Variants in MTFR1 observed in about 807,000 individuals in gnomAD.
MTFR1 encodes the protein mitochondrial fission regulator 1, also known as chondrocyte protein with a poly-proline region.
Under a neutral mutation model 38.8 loss-of-function variants are expected in MTFR1, and 28 were observed. The observed-to-expected ratio is 0.72, with a 90% CI of 0.53 to 0.99. The LOEUF is 0.99. MTFR1 is among the 50% of genes least tolerant of loss of function. The probability of loss-of-function intolerance (pLI) is 0.00; values close to 1 mark genes in which losing one functional copy is unlikely to be tolerated. For missense variants in MTFR1, 358 were observed against 395.5 expected (o/e 0.91, Z 0.81); for synonymous variants, 145 against 137.0 (o/e 1.06, Z -0.41).
intron 3 of MTFR1, chr8:65,723,301 C>T (rs944089640): frequency 7.6e-6 from 2 of 263,644 alleles, no homozygotes; most frequent in Non-Finnish European, 1.4e-5. Flanking sequence ...TTCTTATTTA[C>T]ATAAGAACAG....
chr8:65,657,535 T>A (rs1480081532), intron 1 of MTFR1, among the ~76,000 whole-genome samples: 2 of 151,840 alleles, frequency 1.3e-5, no homozygotes, highest in Non-Finnish European at 2.9e-5. Flanking sequence ...AGACCCCGTC[T>A]CTAAAAAAAA....
intron 3 of MTFR1, among the ~76,000 whole-genome samples, chr8:65,756,054 T>C (rs920262127): frequency 6.6e-6 from 1 of 152,262 alleles, no homozygotes; most frequent in African/African-American, 2.4e-5. Context: ...TGACAGTTTT[T>C]TGTTTTTGTT....
At chr8:65,717,800 C>G (rs960919330) in intron 2 of MTFR1, 23 of 152,176 alleles carry the variant, frequency 1.5e-4, no homozygotes, top group African/African-American at 5.3e-4. Context: ...AAGAAAATGG[C>G]TGTTGCAACA....
At chr8:65,735,911 C>A (rs1053928539) in intron 3 of MTFR1, among the ~76,000 whole-genome samples, 3 of 152,170 alleles carry the variant, frequency 2.0e-5, no homozygotes, top group Admixed American at 6.5e-5. Flanking sequence ...AGGTATGAGC[C>A]ACCATGCCCG....
At chr8:65,675,650 T>C (rs1041077500) in intron 2 of MTFR1, among the ~76,000 whole-genome samples, 1 of 152,194 alleles carries the variant, frequency 6.6e-6, no homozygotes, top group Non-Finnish European at 1.5e-5. Context: ...ACTCATTTAA[T>C]GCTCATAGGC....
intron 1 of MTFR1, among the ~76,000 whole-genome samples, chr8:65,668,054 C>T (rs1294711590): frequency 6.6e-6 from 1 of 152,100 alleles, no homozygotes; most frequent in Non-Finnish European, 1.5e-5. Context: ...CTTCTCACAA[C>T]GTAGACCACA....
intron 3 of MTFR1, among the ~76,000 whole-genome samples, chr8:65,751,013 A>G (rs1022172282): frequency 2.0e-5 from 3 of 152,208 alleles, no homozygotes; most frequent in Non-Finnish European, 4.4e-5. Flanking sequence ...TCACTTAATG[A>G]TATAGGACCA....
intron 1 of MTFR1, among the ~76,000 whole-genome samples, chr8:65,662,735 C>T (rs867920929): frequency 1.5e-5 from 2 of 135,098 alleles, no homozygotes; most frequent in Admixed American, 7.5e-5. Flanking sequence ...GTGAGGAGCC[C>T]CTCCGCCCGG....
At chr8:65,761,212 C>T (rs1221021030) in intron 3 of MTFR1, among the ~76,000 whole-genome samples, 7 of 152,022 alleles carry the variant, frequency 4.6e-5, no homozygotes, top group African/African-American at 7.2e-5. Flanking sequence ...ATTACAGGCA[C>T]GCACCACCAT....
rs756916606 is a variant in MTFR1, at chr8:65,708,004, G to C, written c.926G>C (p.Arg309Thr). 1.9e-6 allele frequency: 3 copies of C among 1,611,624 alleles called. No individual in the cohort carries two copies. The highest frequency in any genetic ancestry group is 2.5e-6 in the Non-Finnish European group (3 of 1,179,732). ...TCTGAATCAGAGGCCACCTCAGAGA[G>C]AGTGTTGGTGAGTTATTTGCCCAGA... is the stretch of plus-strand genomic sequence containing the variant. ...PKSESEATSE[R>T]VLFGPHMLKP... Residue 309 changes from arginine (R) to threonine (T), a missense_variant, in exon 7 of 8, where the codon AGA becomes ACA. Physicochemically the swap from Arg to Thr is moderately conservative, Grantham distance 71. Coordinates refer to ENST00000262146, the MANE Select transcript of MTFR1 (RefSeq NM_014637.4).
chr8:65,643,952 C>T (rs10504389), upstream of MTFR1, among the ~76,000 whole-genome samples: 18,116 of 152,074 alleles, frequency 0.12, 1,232 homozygotes, highest in Middle Eastern at 0.17. Context: ...GCCCAGCGAC[C>T]TCCGGGATCA....
intron 1 of MTFR1, among the ~76,000 whole-genome samples, chr8:65,663,584 A>G (rs939736700): frequency 2.8e-4 from 42 of 151,624 alleles, no homozygotes; most frequent in Non-Finnish European, 5.7e-4. Flanking sequence ...ACAAAATAAG[A>G]TCTCAAAATA....
chr8:65,670,721 T>TG (rs1241696264), intron 2 of MTFR1, among the ~76,000 whole-genome samples: 2 of 151,726 alleles, frequency 1.3e-5, no homozygotes, highest in Admixed American at 6.6e-5. Context: ...TTTTTTTTTT[T>TG]GAACAGGGAG....
chr8:65,664,933 A>AT (rs374209617), intron 1 of MTFR1, among the ~76,000 whole-genome samples: 15,071 of 125,644 alleles, frequency 0.12, 1,589 homozygotes, highest in East Asian at 0.51. Context: ...TTAAAAAAAA[A>AT]TTTTTTTTTT....
intron 1 of MTFR1, among the ~76,000 whole-genome samples, chr8:65,645,701 C>A (rs997084387): frequency 1.5e-5 from 2 of 133,824 alleles, no homozygotes; most frequent in Non-Finnish European, 3.2e-5. Flanking sequence ...TTCCCCCCCC[C>A]CCCCCTTTGT....
intron 1 of MTFR1, among the ~76,000 whole-genome samples, chr8:65,650,937 C>T (rs1057132514): frequency 6.6e-6 from 1 of 152,152 alleles, no homozygotes; most frequent in African/African-American, 2.4e-5. Context: ...ATGAGGATCC[C>T]TTTTCTCCAC....
the MTFR1 span, among the ~76,000 whole-genome samples, chr8:65,778,348 G>A: frequency 1.3e-5 from 2 of 152,104 alleles, no homozygotes; most frequent in African/African-American, 4.8e-5. Flanking sequence ...AGAGAAAAAT[G>A]TTGGCACCAC....
chr8:65,746,621 CA>C (rs1807688791), intron 3 of MTFR1, among the ~76,000 whole-genome samples: 1 of 152,038 alleles, frequency 6.6e-6, no homozygotes, highest in Non-Finnish European at 1.5e-5. Context: ...ATTTTATATC[CA>C]AAAGTTCACT....
intron 2 of MTFR1, among the ~76,000 whole-genome samples, chr8:65,681,595 T>A (rs1486247976): frequency 6.6e-6 from 1 of 152,144 alleles, no homozygotes; most frequent in South Asian, 2.1e-4. Flanking sequence ...AGGGGTCATA[T>A]ACTTGGGGAG....
Sources: allele counts gnomAD v4.1 joint callset (sites outside exome capture counted in the v4.1 genomes callset), GRCh38; gene constraint gnomAD v4.1.1; transcripts MANE v1.5; gene names NCBI Gene and HGNC (gene_info 2026-07-23, HGNC 2026-07-21).